ZNF385C: variants seen among roughly 807,000 people sequenced by gnomAD.
The protein encoded by ZNF385C is CTD-2132N18.2.
ZNF385C carries 28 observed loss-of-function variants against 35.4 expected under a neutral mutation model. That is an observed-to-expected ratio of 0.79 (90% CI 0.59 to 1.08). The LOEUF is 1.08. Ranked by LOEUF, ZNF385C falls within the 50% of genes least tolerant of loss-of-function variation. The pLI is 0.00. For missense variants in ZNF385C, 605 were observed against 595.6 expected, an observed-to-expected ratio of 1.02 and a Z score of -0.16; for synonymous variants, 248 against 248.2, an observed-to-expected ratio of 1.00 and a Z score of 0.01.
chr17:42,039,604 G>A, intron 2 of ZNF385C: 1 of 1,091,828 alleles, frequency 9.2e-7, no homozygotes, highest in Non-Finnish European at 1.2e-6. Context: ...CTGGGAGGCT[G>A]CAGTCAGCAG....
intron 2 of ZNF385C, among the ~76,000 whole-genome samples, chr17:42,057,505 C>T (rs139755018): frequency 0.76 from 108,105 of 142,008 alleles, 41,694 homozygotes; most frequent in South Asian, 0.85. Context: ...TGTGCGCGCG[C>T]GCGCGCGCGT....
intron 1 of ZNF385C, chr17:42,065,014 A>G (rs2053527241): frequency 6.6e-6 from 1 of 151,212 alleles, no homozygotes; most frequent in African/African-American, 2.4e-5. Flanking sequence ...TGCCCAGCTG[A>G]TTTTTGTATT....
chr17:42,039,846 A>C, intron 2 of ZNF385C: 1 of 1,230,766 alleles, frequency 8.1e-7, no homozygotes, highest in Non-Finnish European at 1.0e-6. Flanking sequence ...CCCCGGCCCC[A>C]CTCTGCCCCC....
intron 2 of ZNF385C, 168 bp from the exon 3 acceptor site, chr17:42,038,053 C>A: frequency 6.5e-7 from 1 of 1,535,600 alleles, no homozygotes; most frequent in Non-Finnish European, 8.7e-7. Context: ...TTCTCTGTGC[C>A]CTTCCTCCCC....
intron 6 of ZNF385C, 75 bp from the exon 7 acceptor site, chr17:42,028,321 T>C: frequency 7.0e-7 from 1 of 1,437,384 alleles, no homozygotes. Context: ...TCCACACTCA[T>C]GCAATTTGGC....
chr17:42,059,745 G>A (rs540535762), intron 2 of ZNF385C, among the ~76,000 whole-genome samples: 4 of 152,080 alleles, frequency 2.6e-5, no homozygotes, highest in Non-Finnish European at 4.4e-5. Flanking sequence ...ACTCAGCCTC[G>A]CCAGTAACTG....
rs145020245 is a variant in ZNF385C at position 42,083,974 on chromosome 17, C to T, written c.-3+14436G>A. Among the ~76,000 whole-genome samples the T allele has an allele frequency of 4.7e-3, 714 of 152,046 alleles. 4 individuals are homozygous for T. Among genetic ancestry groups the T allele is most frequent in the Middle Eastern group, 0.01 (3 of 292 alleles). On this transcript the variant is annotated intron_variant, in intron 1 of 8. Transcript: ENST00000692273. ...CCTCAGGTGAACAACCTGCCTCGGCCTCCCAAAGTGCCAGGATGGCAGGCG... is the reference window on the plus strand; with the variant it reads ...CCTCAGGTGAACAACCTGCCTCGGCTTCCCAAAGTGCCAGGATGGCAGGCG...
chr17:42,031,465 A>G (rs114829944), intron 5 of ZNF385C, among the ~76,000 whole-genome samples, 154 bp downstream of exon 5: 3 of 152,208 alleles, frequency 2.0e-5, no homozygotes, highest in Non-Finnish European at 4.4e-5. Flanking sequence ...TGTTCAGCTT[A>G]GGAAAATTCA....
At chr17:42,080,573 G>A (rs2053737555) in intron 1 of ZNF385C, among the ~76,000 whole-genome samples, 1 of 152,192 alleles carries the variant, frequency 6.6e-6, no homozygotes. Flanking sequence ...GTGGGGAAGG[G>A]AGAACCTCCA....
chr17:42,028,685 T>C, intron 6 of ZNF385C, 98 bp downstream of exon 6: 1 of 1,427,792 alleles, frequency 7.0e-7, no homozygotes, highest in Non-Finnish European at 9.4e-7. Context: ...CATCCAACCC[T>C]TGAGCGAAGC....
intron 1 of ZNF385C, among the ~76,000 whole-genome samples, chr17:42,081,724 T>C (rs1320970606): frequency 2.0e-5 from 3 of 152,010 alleles, no homozygotes; most frequent in East Asian, 3.9e-4. Flanking sequence ...CCTGAGACTG[T>C]AAAATTCTGC....
At chr17:42,041,306 G>T in intron 2 of ZNF385C, 1 of 909,274 alleles carries the variant, frequency 1.1e-6, no homozygotes, top group Non-Finnish European at 1.4e-6. Context: ...GACAGACTTA[G>T]GGACTAATCC....
intron 2 of ZNF385C, chr17:42,043,421 C>G: frequency 8.1e-7 from 1 of 1,229,650 alleles, no homozygotes; most frequent in Non-Finnish European, 1.0e-6. Context: ...CCTGAATGCT[C>G]TTGCCCCCCT....
chr17:42,063,162 A>G (rs4796765), intron 1 of ZNF385C, 104 bp from the exon 2 acceptor site: 474,667 of 518,602 alleles, frequency 0.92, 217,798 homozygotes, highest in Admixed American at 0.94. Context: ...TGTATCCTCT[A>G]TATCCCTCTG....
intron 1 of ZNF385C, among the ~76,000 whole-genome samples, chr17:42,096,986 A>C (rs1185082407): frequency 6.6e-6 from 1 of 150,768 alleles, no homozygotes; most frequent in African/African-American, 2.4e-5. Flanking sequence ...AAAAAAAAAA[A>C]AAAAAAAACC....
chr17:42,026,846 A>T lies in ZNF385C; in HGVS notation c.*51T>A. The T allele has an allele frequency of 6.6e-7, 1 of 1,504,236 alleles. No homozygotes were observed. The highest frequency in any genetic ancestry group is 9.1e-7 in the Non-Finnish European group (1 of 1,102,060). The allele number at this position is 1,504,236 out of a possible 1,614,324, so 93.2% of individuals were successfully genotyped here. On this transcript the variant is annotated 3_prime_UTR_variant, in exon 9 of 9. Coordinates refer to ENST00000692273, the MANE Select transcript of ZNF385C (RefSeq NM_001392013.1). ...GGAAACCAAGGTGTCTCAGGACAGG[A>T]GGAGACAAGGAGTGGCTATTGGGAA...
intron 2 of ZNF385C, among the ~76,000 whole-genome samples, chr17:42,048,955 AC>A (rs1471722767): frequency 1.3e-5 from 2 of 150,178 alleles, no homozygotes; most frequent in African/African-American, 4.9e-5. Flanking sequence ...AAAAAAAAAA[AC>A]AAAAATACTG....
chr17:42,064,073 TACACACAC>T (rs55771386), intron 1 of ZNF385C, among the ~76,000 whole-genome samples: 6,404 of 129,798 alleles, frequency 0.049, 198 homozygotes, highest in African/African-American at 0.082. Context: ...CACACGCACA[TACACACAC>T]ACACACACAC....
chr17:42,068,713 C>T (rs1424467167), intron 1 of ZNF385C, among the ~76,000 whole-genome samples: 1 of 152,190 alleles, frequency 6.6e-6, no homozygotes, highest in Non-Finnish European at 1.5e-5. Flanking sequence ...ACCTGTTATC[C>T]CACTGCATAG....
Sources: gnomAD v4.1 joint callset for allele counts (sites outside exome capture counted in the v4.1 genomes callset) on GRCh38, gnomAD v4.1.1 for gene constraint, MANE v1.5 for transcripts, NCBI Gene and HGNC (gene_info 2026-07-23, HGNC 2026-07-21) for gene names.